TENM3: variants seen among roughly 807,000 people sequenced by gnomAD.
TENM3 encodes the protein teneurin transmembrane protein 3.
TENM3 carries 63 observed loss-of-function variants against 255.1 expected under a neutral mutation model. That is an observed-to-expected ratio of 0.25 (90% CI 0.20 to 0.30). The LOEUF (loss-of-function observed/expected upper bound fraction) is 0.30, where lower values mean the gene tolerates loss of function less well. Ranked by LOEUF, TENM3 falls within the 10% of genes least tolerant of loss-of-function variation. The pLI is 1.00. For missense variants in TENM3, 2,929 were observed against 3,461.1 expected (o/e 0.85, Z 3.86); for synonymous variants, 1,306 against 1,322.3 (o/e 0.99, Z 0.27).
chr4:181,651,904 A>G, the TENM3 span, among the ~76,000 whole-genome samples: 4 of 152,176 alleles, frequency 2.6e-5, no homozygotes, highest in African/African-American at 9.7e-5. Flanking sequence ...CTCTTGTACA[A>G]ATGAACCCAG....
the TENM3 span, among the ~76,000 whole-genome samples, chr4:182,100,487 A>T: frequency 7.0e-6 from 1 of 143,088 alleles, no homozygotes; most frequent in African/African-American, 2.5e-5. Context: ...ACACACATAT[A>T]TATATATACA....
At chr4:182,232,535 C>G (rs1579824477) in intron 1 of TENM3, among the ~76,000 whole-genome samples, 1 of 152,190 alleles carries the variant, frequency 6.6e-6, no homozygotes, top group Admixed American at 6.5e-5. Flanking sequence ...ACCATCCTGG[C>G]CAACATGGCG....
At chr4:181,860,672 G>A in the TENM3 span, among the ~76,000 whole-genome samples, 2 of 152,202 alleles carry the variant, frequency 1.3e-5, no homozygotes, top group East Asian at 3.8e-4. Flanking sequence ...AATGTGCAAT[G>A]TGTGTAAAAT....
intron 13 of TENM3, among the ~76,000 whole-genome samples, chr4:182,714,452 A>C (rs1483614150): frequency 1.3e-5 from 2 of 152,164 alleles, no homozygotes. Flanking sequence ...GGGAAAAGGC[A>C]AGGTAACCAA....
rs536404326 is a variant in TENM3 at position 182,183,915 on chromosome 4, T to A, written c.-76+39161T>A. On this transcript the variant is annotated intron_variant, in intron 1 of 2. Transcript: ENST00000512480. Reference sequence around the variant, plus strand: ...TGTCTGAGTTTAGTAAAGTTAAAAATATATTCTATATTAAAACTACAAGTG... The same window carrying A: ...TGTCTGAGTTTAGTAAAGTTAAAAAAATATTCTATATTAAAACTACAAGTG... Among the ~76,000 whole-genome samples, 103 of 152,318 alleles carry A rather than the reference T, an allele frequency of 6.8e-4. 2 individuals are homozygous for A. Among genetic ancestry groups the A allele is most frequent in the South Asian group, 2.9e-3 (14 of 4,822 alleles).
At chr4:182,738,593 A>G (rs1761351981) in intron 18 of TENM3, 49 bp downstream of exon 18, 1 of 1,482,580 alleles carries the variant, frequency 6.7e-7, no homozygotes. Flanking sequence ...TTGTTCAGAG[A>G]TAGCTAATGT....
the TENM3 span, among the ~76,000 whole-genome samples, chr4:181,666,936 A>T: frequency 6.6e-6 from 1 of 152,136 alleles, no homozygotes; most frequent in African/African-American, 2.4e-5. Flanking sequence ...ACGTTTTCAT[A>T]TCAGCACATA....
At chr4:181,728,847 A>G in the TENM3 span, among the ~76,000 whole-genome samples, 1 of 151,956 alleles carries the variant, frequency 6.6e-6, no homozygotes, top group South Asian at 2.1e-4. Context: ...TGGTTCAAAC[A>G]CCTCTGACAG....
In TENM3 at chr4:182,751,920, G is replaced by T. The variant is rs780020582; in HGVS notation, c.3750G>T (p.Leu1250Phe). Residue 1250 changes from leucine (L) to phenylalanine (F), a missense_variant, in exon 20 of 28, where the codon TTG becomes TTT. Leu to Phe is a conservative substitution (Grantham distance 22, BLOSUM62 0). Around this residue, in one of 6 missense-constraint regions of TENM3, gnomAD observed 1,608 missense variants for 1,884.4 expected, o/e 0.85. Transcript: ENST00000511685. ...RPKSLTGAKD[L>F]TKNAEVVAGT... ...AGTCACTTACGGGGGCAAAAGACTT[G>T]ACTAAAAATGCAGAAGTCGTCGCAG... The T allele has an allele frequency of 1.2e-6, 2 of 1,613,872 alleles. No individual in the cohort carries two copies. Among genetic ancestry groups the T allele is most frequent in the South Asian group, 1.1e-5 (1 of 91,070 alleles).
the TENM3 span, among the ~76,000 whole-genome samples, chr4:181,551,828 A>ATG: frequency 3.9e-5 from 1 of 25,350 alleles, no homozygotes; most frequent in African/African-American, 1.2e-4. Context: ...ATATATATAT[A>ATG]TATATGTATA....
At chr4:182,576,318 G>T (rs1744912986) in intron 3 of TENM3, among the ~76,000 whole-genome samples, 1 of 152,132 alleles carries the variant, frequency 6.6e-6, no homozygotes, top group African/African-American at 2.4e-5. Context: ...CGGTAGGTCT[G>T]TACTCAATGC....
the TENM3 span, among the ~76,000 whole-genome samples, chr4:181,599,114 C>T: frequency 2.8e-4 from 42 of 152,204 alleles, no homozygotes; most frequent in South Asian, 8.7e-3. Flanking sequence ...GCAAAAATAT[C>T]GAGTTATCCC....
intron 1 of TENM3, among the ~76,000 whole-genome samples, chr4:182,308,965 C>T (rs968820725): frequency 2.6e-5 from 4 of 152,062 alleles, no homozygotes; most frequent in Admixed American, 1.3e-4. Context: ...GCACACAGAC[C>T]GCTAGCCAGG....
chr4:181,931,928 A>C, the TENM3 span, among the ~76,000 whole-genome samples: 1 of 152,238 alleles, frequency 6.6e-6, no homozygotes, highest in Non-Finnish European at 1.5e-5. Context: ...AGGATTCCCC[A>C]TTTAATAAAT....
chr4:182,493,147 C>T (rs1167093452), intron 3 of TENM3, among the ~76,000 whole-genome samples: 1 of 152,092 alleles, frequency 6.6e-6, no homozygotes. Context: ...ACTTTCTACT[C>T]TTGTGGCCTT....
chr4:182,025,124 G>A, the TENM3 span, among the ~76,000 whole-genome samples: 462 of 150,942 alleles, frequency 3.1e-3, 5 homozygotes, highest in Non-Finnish European at 3.1e-3. Flanking sequence ...CGCCTTGCGG[G>A]TTCACGCCAT....
At chr4:181,708,679 A>T in the TENM3 span, among the ~76,000 whole-genome samples, 3 of 151,890 alleles carry the variant, frequency 2.0e-5, no homozygotes, top group East Asian at 5.8e-4. Flanking sequence ...AATCTTGGCT[A>T]TGCCTTTAAA....
chr4:181,990,564 G>A, the TENM3 span, among the ~76,000 whole-genome samples: 7 of 152,040 alleles, frequency 4.6e-5, no homozygotes, highest in African/African-American at 1.7e-4. Context: ...CAATTCTATG[G>A]GAGTGATATG....
chr4:182,136,409 T>C, the TENM3 span, among the ~76,000 whole-genome samples: 3 of 152,164 alleles, frequency 2.0e-5, no homozygotes, highest in African/African-American at 7.2e-5. Flanking sequence ...CATTTTTGTG[T>C]ATAGATGTTG....
Sources: gnomAD v4.1 joint callset for allele counts (sites outside exome capture counted in the v4.1 genomes callset) on GRCh38, gnomAD v4.1.1 for gene constraint, gnomAD v4.1.1 regional missense constraint, MANE v1.5 for transcripts, NCBI Gene and HGNC (gene_info 2026-07-23, HGNC 2026-07-21) for gene names.